The following SLC39A11 variants were observed in gnomAD, a reference collection of about 807,000 sequenced individuals.
SLC39A11 encodes zinc transporter ZIP11.
A neutral mutation model predicts 36.1 loss-of-function variants in SLC39A11; 33 were observed. The ratio of observed to expected loss-of-function variants is 0.91; its 90% CI spans 0.69 to 1.22. SLC39A11 has a LOEUF of 1.22. Among genes scored for constraint, SLC39A11 ranks in the 50% most tolerant of loss-of-function variants. The pLI is 0.00. For missense variants in SLC39A11, 432 were observed against 430.3 expected (o/e 1.00, Z -0.03); for synonymous variants, 166 against 170.3 (o/e 0.97, Z 0.20).
chr17:72,875,568 T>C (rs921173679), intron 5 of SLC39A11, among the ~76,000 whole-genome samples: 11 of 152,162 alleles, frequency 7.2e-5, no homozygotes, highest in African/African-American at 2.7e-4. Flanking sequence ...CCCTTCCTCA[T>C]CTCCCACAAA....
chr17:72,937,936 C>T (rs1323279688), intron 5 of SLC39A11, among the ~76,000 whole-genome samples: 1 of 152,136 alleles, frequency 6.6e-6, no homozygotes, highest in Non-Finnish European at 1.5e-5. Flanking sequence ...TCCCAACAAG[C>T]TCATGGTGAG....
At chr17:73,049,234 G>A (rs1233581119) in intron 3 of SLC39A11, among the ~76,000 whole-genome samples, 1 of 152,208 alleles carries the variant, frequency 6.6e-6, no homozygotes, top group Non-Finnish European at 1.5e-5. Context: ...AGCACTCCAA[G>A]AGGGTCCAGA....
intron 7 of SLC39A11, among the ~76,000 whole-genome samples, chr17:72,697,078 AT>A (rs926418734): frequency 3.9e-5 from 6 of 151,972 alleles, no homozygotes; most frequent in African/African-American, 1.5e-4. Flanking sequence ...ACTTTTACAT[AT>A]TTCTTATTCT....
chr17:72,920,694 C>T (rs1230045535), intron 5 of SLC39A11, among the ~76,000 whole-genome samples: 1 of 56,706 alleles, frequency 1.8e-5, no homozygotes, highest in Non-Finnish European at 3.7e-5. Flanking sequence ...CCCCTTACAA[C>T]ACCTACACCC....
At chr17:72,986,361 T>C (rs1304036489) in intron 4 of SLC39A11, among the ~76,000 whole-genome samples, 8 of 152,152 alleles carry the variant, frequency 5.3e-5, no homozygotes, top group Admixed American at 3.9e-4. Context: ...TTGCCAAGCC[T>C]GGCCATGCAG....
At chr17:72,833,473 T>C (rs1250671876) in intron 6 of SLC39A11, among the ~76,000 whole-genome samples, 1 of 152,210 alleles carries the variant, frequency 6.6e-6, no homozygotes, top group Non-Finnish European at 1.5e-5. Flanking sequence ...AGGCAAAGCT[T>C]TTCCAGGCAG....
chr17:73,035,253 G>C (rs536598820), intron 3 of SLC39A11, among the ~76,000 whole-genome samples: 1 of 152,166 alleles, frequency 6.6e-6, no homozygotes, highest in East Asian at 1.9e-4. Context: ...AGATTCTTGT[G>C]CCTCAGCTTC....
At chr17:72,850,430 G>A (rs2079254179) in intron 5 of SLC39A11, among the ~76,000 whole-genome samples, 2 of 151,296 alleles carry the variant, frequency 1.3e-5, no homozygotes. Flanking sequence ...CTCCAGCCTG[G>A]GTGACAGAGT....
chr17:73,085,642 CAAAA>C (rs35729985), intron 2 of SLC39A11, among the ~76,000 whole-genome samples: 3 of 102,020 alleles, frequency 2.9e-5, no homozygotes, highest in South Asian at 3.4e-4. Flanking sequence ...AACTCCGCCT[CAAAA>C]AAAAAAAAAA....
intron 6 of SLC39A11, among the ~76,000 whole-genome samples, chr17:72,749,449 G>A (rs1012474729): frequency 2.0e-5 from 3 of 152,190 alleles, no homozygotes; most frequent in African/African-American, 7.2e-5. Context: ...GGGGAACCTT[G>A]TATATTCACA....
chr17:73,041,898 A>G (rs1030115627), intron 3 of SLC39A11, among the ~76,000 whole-genome samples: 2 of 152,212 alleles, frequency 1.3e-5, no homozygotes, highest in African/African-American at 2.4e-5. Context: ...AAACCTAGAA[A>G]GGCTCATAAT....
intron 4 of SLC39A11, among the ~76,000 whole-genome samples, chr17:73,020,336 G>A (rs933236960): frequency 2.0e-5 from 3 of 152,230 alleles, no homozygotes; most frequent in Non-Finnish European, 2.9e-5. Flanking sequence ...CAGAGAGCTC[G>A]CCCTCTCTCA....
Position 73,003,914 on chromosome 17 carries a change from C to T in SLC39A11, c.306+27642G>A, listed in dbSNP as rs141262927. Among the ~76,000 whole-genome samples, 1,230 of 151,934 alleles carry T rather than the reference C, an allele frequency of 8.1e-3. 11 individuals are homozygous for T. Among genetic ancestry groups the T allele is most frequent in the African/African-American group, 0.026 (1,065 of 41,420 alleles). On this transcript the variant is annotated intron_variant, in intron 4 of 9. Coordinates refer to ENST00000255559, the MANE Select transcript of SLC39A11 (RefSeq NM_139177.4). ...CAGCCTGGCCAACATGGTGAAACCC[C>T]GTCTCTACTAAAAATACAGAAATTA...
At chr17:72,798,418 C>CTTTT (rs3060856) in intron 6 of SLC39A11, among the ~76,000 whole-genome samples, 28 of 143,030 alleles carry the variant, frequency 2.0e-4, no homozygotes, top group Middle Eastern at 7.4e-3. Context: ...TTCTTTCTTT[C>CTTTT]TTTTTTTTTT....
At position 72,853,512 on chromosome 17, in the gene SLC39A11, C is replaced by T. The variant is rs182624707; in HGVS notation, c.431-3708G>A. On this transcript the variant is annotated intron_variant, in intron 5 of 9. Transcript: ENST00000255559. ...CGCACAGAGAGCAACAGACCTCGGACGCACCACGAGCAAATTCTAGCGTTC... is the reference window on the plus strand; with the variant it reads ...CGCACAGAGAGCAACAGACCTCGGATGCACCACGAGCAAATTCTAGCGTTC... Among the ~76,000 whole-genome samples, 481 of 152,058 alleles carry T rather than the reference C, an allele frequency of 3.2e-3. 5 individuals are homozygous for T. The highest frequency in any genetic ancestry group is 0.011 in the African/African-American group (459 of 41,470).
At chr17:72,877,735 C>T (rs904294016) in intron 5 of SLC39A11, among the ~76,000 whole-genome samples, 5 of 152,116 alleles carry the variant, frequency 3.3e-5, no homozygotes, top group Middle Eastern at 3.2e-3. Flanking sequence ...CCGGGGACAG[C>T]GTGCTTTACT....
chr17:72,836,830 C>G (rs565452582), intron 6 of SLC39A11, among the ~76,000 whole-genome samples: 2 of 152,244 alleles, frequency 1.3e-5, no homozygotes, highest in South Asian at 4.2e-4. Flanking sequence ...GTGTGGTGTT[C>G]TGCTTCCTCA....
At chr17:72,834,063 G>A (rs1598917937) in intron 6 of SLC39A11, among the ~76,000 whole-genome samples, 2 of 151,842 alleles carry the variant, frequency 1.3e-5, no homozygotes, top group East Asian at 3.9e-4. Context: ...GGCAAGCTTG[G>A]GTAGGCACTA....
In SLC39A11 at chr17:73,075,365, A is replaced by C. The variant is rs185588518; in HGVS notation, c.147+9443T>G. Reference sequence around the variant, plus strand: ...CTTGCCCGAGGTCACTCTGCCAAATACTGGCAGCCCCTGACATCTTATCTG... The same window carrying C: ...CTTGCCCGAGGTCACTCTGCCAAATCCTGGCAGCCCCTGACATCTTATCTG... On this transcript the variant is annotated intron_variant, in intron 3 of 9. Coordinates refer to ENST00000255559, the MANE Select transcript of SLC39A11 (RefSeq NM_139177.4). Among the ~76,000 whole-genome samples the C allele has an allele frequency of 3.9e-4, 59 of 152,322 alleles. 1 individual carries two copies. The East Asian group carries it at 0.011, about 28-fold the overall frequency.
Sources: allele counts gnomAD v4.1 joint callset (sites outside exome capture counted in the v4.1 genomes callset), GRCh38; gene constraint gnomAD v4.1.1; transcripts MANE v1.5; gene names NCBI Gene and HGNC (gene_info 2026-07-23, HGNC 2026-07-21).